The following LY75 variants were observed in gnomAD, a reference collection of about 807,000 sequenced individuals.
LY75 encodes the protein lymphocyte antigen 75, also known as C-type lectin domain family 13 member B.
Under a neutral mutation model 231.7 loss-of-function variants are expected in LY75, and 185 were observed. The ratio of observed to expected loss-of-function variants is 0.80; its 90% CI spans 0.71 to 0.90. LY75 has a LOEUF of 0.90. Among genes scored for constraint, LY75 ranks in the 40% least tolerant of loss-of-function variants. LY75 has a pLI of 0.00. For missense variants in LY75, 1,947 were observed against 2,050.2 expected (o/e 0.95, Z 0.97); for synonymous variants, 668 against 689.0 (o/e 0.97, Z 0.48).
chr2:159,848,061 ATGGTGTG>A, intron 23 of LY75, among the ~76,000 whole-genome samples: 2 of 87,806 alleles, frequency 2.3e-5, no homozygotes, highest in African/African-American at 1.0e-4. Flanking sequence ...TAAAGAAATT[ATGGTGTG>A]TATATATATA....
intron 25 of LY75, 146 bp downstream of exon 25, chr2:159,840,583 T>C: frequency 7.6e-7 from 1 of 1,309,508 alleles, no homozygotes; most frequent in African/African-American, 1.5e-5. Context: ...AAACAAAATT[T>C]AAAAACCCCG....
intron 23 of LY75, among the ~76,000 whole-genome samples, chr2:159,844,258 C>T (rs956302126): frequency 1.5e-5 from 2 of 134,710 alleles, no homozygotes; most frequent in Admixed American, 1.5e-4. Context: ...GATTTTACAA[C>T]AAGAATGTAA....
At chr2:159,840,250 A>G (rs1405742917) in intron 25 of LY75, among the ~76,000 whole-genome samples, 1 of 152,126 alleles carries the variant, frequency 6.6e-6, no homozygotes, top group African/African-American at 2.4e-5. Context: ...AGATCTTTCA[A>G]TAGTGGAAAG....
chr2:159,863,272 C>T (rs1299872502), intron 14 of LY75, among the ~76,000 whole-genome samples: 10 of 152,008 alleles, frequency 6.6e-5, no homozygotes, highest in Non-Finnish European at 1.0e-4. Flanking sequence ...AGTCACCCTC[C>T]GAGTATCTTA....
At chr2:159,865,153 G>A (rs1469644568) in intron 13 of LY75, among the ~76,000 whole-genome samples, 1 of 152,012 alleles carries the variant, frequency 6.6e-6, no homozygotes, top group Non-Finnish European at 1.5e-5. Flanking sequence ...ATTCTACTTT[G>A]AATTTTAAGA....
At chr2:159,861,136 G>A (rs1180324182) in intron 14 of LY75, among the ~76,000 whole-genome samples, 2 of 152,114 alleles carry the variant, frequency 1.3e-5, no homozygotes, top group Admixed American at 6.5e-5. Context: ...TAAGTTCGCC[G>A]CTGGAGTCAT....
At chr2:159,840,013 A>AAAAAAAAAAAAAG (rs1683962051) in intron 25 of LY75, among the ~76,000 whole-genome samples, 2 of 150,092 alleles carry the variant, frequency 1.3e-5, no homozygotes, top group Non-Finnish European at 3.0e-5. Flanking sequence ...CTCAAAAAAA[A>AAAAAAAAAAAAAG]AAAAAAGAAA....
chr2:159,883,901 C>T lies in LY75; in HGVS notation c.1054+1252G>A, dbSNP rs577331217. ...AGACATTTGAATGCTTTATTCCCTT[C>T]ACTCACAGTTCCTTAAAGCAGGACA... On this transcript the variant is annotated intron_variant, in intron 6 of 34. Transcript: ENST00000263636. Among the ~76,000 whole-genome samples the T allele has an allele frequency of 3.3e-5, 5 of 152,270 alleles. No individual in the cohort carries two copies. The South Asian group carries it at 8.3e-4, about 25-fold the overall frequency.
chr2:159,898,669 G>A lies in LY75; in HGVS notation c.466+19C>T. 1 of 1,589,264 alleles carries A rather than the reference G, an allele frequency of 6.3e-7. No homozygotes were observed. Among genetic ancestry groups the A allele is most frequent in the Non-Finnish European group, 8.6e-7 (1 of 1,162,894 alleles). On this transcript the variant is annotated intron_variant, in intron 2 of 34. Transcript: ENST00000263636. Reference sequence around the variant, plus strand: ...CAAGCACAACAGCAAATCGGTCAAAGTCCCTCTCTAATACTCACCATGATA... The same window carrying A: ...CAAGCACAACAGCAAATCGGTCAAAATCCCTCTCTAATACTCACCATGATA...
intron 33 of LY75, chr2:159,807,838 T>C (rs2125826262): frequency 1.0e-6 from 1 of 976,820 alleles, no homozygotes; most frequent in African/African-American, 1.7e-5. Context: ...ACCTAAACCC[T>C]GTATCTACTA....
Position 159,808,565 on chromosome 2 carries a change from G to C in LY75, c.4706C>G (p.Ser1569Cys). The change falls in exon 33 of 35, where the codon TCT (serine) becomes TGT (cysteine). Residue 1569 changes from serine to cysteine, a missense_variant. Coordinates refer to ENST00000263636, the MANE Select transcript of LY75 (RefSeq NM_002349.4). ...ATCTTTTATGGAAACGATAGTTGCA[G>C]AGTGATCTGTTGAAAGAAAACACAT... ...AKKLCSKHDHSATIVSIKDED... is the reference protein window; with the variant it reads ...AKKLCSKHDHCATIVSIKDED... The C allele has an allele frequency of 6.2e-7, 1 of 1,613,260 alleles. No homozygotes were observed. Among genetic ancestry groups the C allele is most frequent in the Non-Finnish European group, 8.5e-7 (1 of 1,179,888 alleles).
chr2:159,833,233 C>A (rs1205451654), intron 27 of LY75, among the ~76,000 whole-genome samples: 1 of 150,060 alleles, frequency 6.7e-6, no homozygotes, highest in East Asian at 2.0e-4. Context: ...GTTCAAAGAT[C>A]CTCCCTCCTT....
At chr2:159,890,081 G>T (rs1208806952) in intron 4 of LY75, 132 bp downstream of exon 4, 5 of 1,176,838 alleles carry the variant, frequency 4.2e-6, no homozygotes, top group East Asian at 2.6e-5. Flanking sequence ...ATGGGTTTCA[G>T]TGTAGAAGTT....
intron 1 of LY75, chr2:159,903,596 C>T (rs1185302215): frequency 6.6e-6 from 1 of 152,176 alleles, no homozygotes; most frequent in Non-Finnish European, 1.5e-5. Context: ...CAGATGGTAA[C>T]TTAGCTTAGC....
chr2:159,859,335 T>C (rs1241333605), intron 15 of LY75, among the ~76,000 whole-genome samples: 1 of 152,226 alleles, frequency 6.6e-6, no homozygotes, highest in Non-Finnish European at 1.5e-5. Flanking sequence ...CTTATATCCC[T>C]CAGCCTTCCT....
intron 11 of LY75, among the ~76,000 whole-genome samples, chr2:159,877,324 T>A (rs1685306558): frequency 6.6e-6 from 1 of 152,212 alleles, no homozygotes; most frequent in African/African-American, 2.4e-5. Flanking sequence ...AAAATATAAA[T>A]AATTCACAGG....
At chr2:159,850,300 C>T (rs978131810) in intron 22 of LY75, 62 bp downstream of exon 22, 2 of 1,587,556 alleles carry the variant, frequency 1.3e-6, no homozygotes, top group African/African-American at 2.7e-5. Flanking sequence ...TTCCCCATAG[C>T]CTCCTAAAAC....
At position 159,816,846 on chromosome 2, in the gene LY75, C is replaced by T. The variant is rs1222289118; in HGVS notation, c.4340G>A (p.Arg1447His). The part of the protein sequence containing the change: ...GQLFLEDIVK[R>H]DGFPLWVGLS... ...CCCAACCCATAGTGGAAATCCATCA[C>T]GTTTTACAATATCTTCCAGAAAGAG... Residue 1447 changes from arginine to histidine, a missense_variant, in exon 30 of 35, where the codon CGT (arginine) becomes CAT (histidine). Coordinates refer to ENST00000263636, the MANE Select transcript of LY75 (RefSeq NM_002349.4). 5 of 1,614,050 alleles carry T rather than the reference C, an allele frequency of 3.1e-6. No homozygotes were observed. The highest frequency in any genetic ancestry group is 1.1e-5 in the South Asian group (1 of 91,084).
At chr2:159,814,210 C>A (rs975025153) in intron 31 of LY75, among the ~76,000 whole-genome samples, 1 of 152,180 alleles carries the variant, frequency 6.6e-6, no homozygotes, top group South Asian at 2.1e-4. Flanking sequence ...TGGTCTTCCT[C>A]AAGGTTCATG....
Sources: allele counts gnomAD v4.1 joint callset (sites outside exome capture counted in the v4.1 genomes callset), GRCh38; gene constraint gnomAD v4.1.1; transcripts MANE v1.5; gene names NCBI Gene and HGNC (gene_info 2026-07-23, HGNC 2026-07-21).